The following TCF4 variants were observed in gnomAD, a reference collection of about 807,000 sequenced individuals.
The protein encoded by TCF4 is SL3-3 enhancer factor 2.
In TCF4, 3 loss-of-function variants were observed where a neutral mutation model predicts 82.1. That is an observed-to-expected ratio of 0.04 (90% CI 0.02 to 0.09). TCF4 has a LOEUF of 0.09. Among genes scored for constraint, TCF4 ranks in the 10% least tolerant of loss-of-function variants. The pLI, the probability that TCF4 is intolerant of heterozygous loss-of-function variation, is 1.00. For synonymous variants in TCF4, 276 were observed against 309.6 expected (o/e 0.89, Z 1.14); for missense variants, 518 against 852.7 (o/e 0.61, Z 4.89).
At chr18:55,509,976 C>A (rs1334396202) in intron 3 of TCF4, among the ~76,000 whole-genome samples, 3 of 152,136 alleles carry the variant, frequency 2.0e-5, no homozygotes, top group Admixed American at 1.3e-4. Context: ...TGATCTAAAG[C>A]AATAATCCTA....
intron 3 of TCF4, among the ~76,000 whole-genome samples, chr18:55,474,689 G>T (rs550862360): frequency 6.6e-6 from 1 of 152,018 alleles, no homozygotes; most frequent in Non-Finnish European, 1.5e-5. Flanking sequence ...AAAGATCAAG[G>T]GTTGAAGTCA....
At chr18:55,409,559 G>A (rs72926963) in intron 5 of TCF4, among the ~76,000 whole-genome samples, 7,705 of 151,888 alleles carry the variant, frequency 0.051, 269 homozygotes, top group Non-Finnish European at 0.075. Flanking sequence ...ATACATGCCC[G>A]TCCCCATCTT....
chr18:55,412,136 A>G (rs2094371194), intron 5 of TCF4, among the ~76,000 whole-genome samples: 1 of 152,186 alleles, frequency 6.6e-6, no homozygotes, highest in African/African-American at 2.4e-5. Flanking sequence ...TCTATAGGTT[A>G]CATTAGCTAA....
chr18:55,604,808 G>C (rs2097700749), intron 2 of TCF4, among the ~76,000 whole-genome samples: 1 of 152,298 alleles, frequency 6.6e-6, no homozygotes, highest in African/African-American at 2.4e-5. Context: ...GTTAGGGACA[G>C]CCTCCTACTT....
intron 8 of TCF4, among the ~76,000 whole-genome samples, chr18:55,287,354 G>C (rs1338139024): frequency 6.6e-6 from 1 of 152,156 alleles, no homozygotes; most frequent in Admixed American, 6.5e-5. Flanking sequence ...AATATCAGCT[G>C]AGTCATTATT....
intron 6 of TCF4, among the ~76,000 whole-genome samples, chr18:55,367,106 G>GT (rs1359815312): frequency 1.3e-5 from 2 of 152,138 alleles, no homozygotes; most frequent in Non-Finnish European, 2.9e-5. Flanking sequence ...TCTTTGCTCT[G>GT]TAATACGTGT....
At chr18:55,621,928 T>C (rs1435371460) in intron 2 of TCF4, among the ~76,000 whole-genome samples, 1 of 26,414 alleles carries the variant, frequency 3.8e-5, no homozygotes, top group Non-Finnish European at 6.1e-5. Flanking sequence ...ATATACACTA[T>C]ATACTATATA....
intron 3 of TCF4, among the ~76,000 whole-genome samples, chr18:55,524,469 A>T (rs1319823410): frequency 6.6e-6 from 1 of 152,112 alleles, no homozygotes; most frequent in East Asian, 1.9e-4. Flanking sequence ...CTTGCTAATC[A>T]TTTTCAGATA....
intron 6 of TCF4, among the ~76,000 whole-genome samples, chr18:55,391,871 G>C (rs2093131125): frequency 6.7e-6 from 1 of 148,296 alleles, no homozygotes; most frequent in Admixed American, 6.7e-5. Flanking sequence ...CCAGGAGGCA[G>C]AGGTTGCAGT....
intron 5 of TCF4, among the ~76,000 whole-genome samples, chr18:55,442,742 C>T (rs898530319): frequency 2.0e-4 from 30 of 152,152 alleles, no homozygotes; most frequent in African/African-American, 7.0e-4. Flanking sequence ...TCCGTCACAC[C>T]GGATCAAAAC....
At chr18:55,346,998 G>A (rs2081315799) in intron 8 of TCF4, among the ~76,000 whole-genome samples, 1 of 151,958 alleles carries the variant, frequency 6.6e-6, no homozygotes, top group Non-Finnish European at 1.5e-5. Context: ...ATGATTATTA[G>A]GTTATATAAA....
chr18:55,383,201 A>C (rs2145913294), intron 6 of TCF4, among the ~76,000 whole-genome samples: 1 of 152,332 alleles, frequency 6.6e-6, no homozygotes, highest in Middle Eastern at 3.4e-3. Flanking sequence ...CTAGAGTATA[A>C]ACAGTCTGAA....
At chr18:55,574,300 G>T (rs183283674) in intron 3 of TCF4, among the ~76,000 whole-genome samples, 1 of 152,132 alleles carries the variant, frequency 6.6e-6, no homozygotes, top group Non-Finnish European at 1.5e-5. Flanking sequence ...CTTTGAAAAA[G>T]TATACTTGCA....
chr18:55,421,389 A>G (rs1025596766), intron 5 of TCF4, among the ~76,000 whole-genome samples: 25 of 152,218 alleles, frequency 1.6e-4, no homozygotes, highest in African/African-American at 6.0e-4. Context: ...ATAACTGATG[A>G]TTCTTTCTGT....
chr18:55,298,871 A>G (rs2146866579), intron 8 of TCF4, among the ~76,000 whole-genome samples: 1 of 152,370 alleles, frequency 6.6e-6, no homozygotes, highest in Middle Eastern at 3.4e-3. Flanking sequence ...AGCAAAGAAA[A>G]AAAAACTGTA....
chr18:55,574,449 C>A (rs778307262), intron 3 of TCF4, among the ~76,000 whole-genome samples: 31 of 152,124 alleles, frequency 2.0e-4, no homozygotes, highest in Non-Finnish European at 4.1e-4. Flanking sequence ...CTCAGCCTCC[C>A]GAGTAGCTGA....
intron 8 of TCF4, among the ~76,000 whole-genome samples, chr18:55,302,152 C>G (rs1469201028): frequency 6.6e-6 from 1 of 152,200 alleles, no homozygotes; most frequent in African/African-American, 2.4e-5. Context: ...TGGCACTTGC[C>G]AAGGACCCTC....
At chr18:55,323,727 C>T (rs2076098202) in intron 8 of TCF4, among the ~76,000 whole-genome samples, 1 of 152,142 alleles carries the variant, frequency 6.6e-6, no homozygotes, top group Admixed American at 6.5e-5. Context: ...TACCAGAGGA[C>T]AGTATGTAAA....
intron 8 of TCF4, among the ~76,000 whole-genome samples, chr18:55,321,104 T>C (rs186977022): frequency 4.8e-4 from 73 of 152,308 alleles, no homozygotes; most frequent in Non-Finnish European, 9.8e-4. Flanking sequence ...TATCTAAGCT[T>C]ATATAATCTA....
Sources: gnomAD v4.1 joint callset for allele counts (sites outside exome capture counted in the v4.1 genomes callset) on GRCh38, gnomAD v4.1.1 for gene constraint, MANE v1.5 for transcripts, NCBI Gene and HGNC (gene_info 2026-07-23, HGNC 2026-07-21) for gene names.